The following STXBP5 variants were observed in gnomAD, a reference collection of about 807,000 sequenced individuals.
The protein encoded by STXBP5 is syntaxin binding protein 5.
Under a neutral mutation model 152.4 loss-of-function variants are expected in STXBP5, and 50 were observed. The observed-to-expected ratio is 0.33, with a 90% CI of 0.26 to 0.42. The LOEUF is 0.42. Among genes scored for constraint, STXBP5 ranks in the 10% least tolerant of loss-of-function variants. The probability of loss-of-function intolerance (pLI) is 1.00; values close to 1 mark genes in which losing one functional copy is unlikely to be tolerated. For synonymous variants in STXBP5, 492 were observed against 494.7 expected (o/e 0.99, Z 0.07); for missense variants, 1,167 against 1,388.6 (o/e 0.84, Z 2.54).
rs1786268390 is a variant in STXBP5, at chr6:147,384,888, C to T, written c.*133C>T. On this transcript the variant is annotated 3_prime_UTR_variant, in exon 28 of 28. Transcript: ENST00000321680. ...TGTTCTTTCCTAGCACAGTCATGCA[C>T]TGTTTTACCTCAGTCATGTGGCTTT... is the stretch of plus-strand genomic sequence containing the variant. 1 of 885,898 alleles carries T rather than the reference C, an allele frequency of 1.1e-6. No individual in the cohort carries two copies. Among genetic ancestry groups the T allele is most frequent in the Non-Finnish European group, 1.8e-6 (1 of 556,196 alleles). The allele number at this position is 885,898 out of a possible 1,614,324, so 54.9% of individuals were successfully genotyped here. A position where few individuals can be genotyped will look rare whatever the true frequency, so the allele number is the denominator to read the frequency against.
At chr6:147,217,159 T>C (rs1009051452) in intron 2 of STXBP5, among the ~76,000 whole-genome samples, 2 of 152,230 alleles carry the variant, frequency 1.3e-5, no homozygotes, top group Admixed American at 1.3e-4. Context: ...GCTATTGCAG[T>C]ACTTTCTGCT....
chr6:147,231,245 A>G (rs930979614), intron 2 of STXBP5, among the ~76,000 whole-genome samples: 1 of 151,272 alleles, frequency 6.6e-6, no homozygotes, highest in Admixed American at 6.6e-5. Context: ...ATAGAGGGTC[A>G]TGTCTAAATT....
At chr6:147,209,510 T>C (rs916940359) in intron 2 of STXBP5, among the ~76,000 whole-genome samples, 16 of 152,142 alleles carry the variant, frequency 1.1e-4, no homozygotes, top group Non-Finnish European at 1.6e-4. Context: ...GTTTTTTTTT[T>C]CCTTACTATA....
At chr6:147,369,350 C>T (rs1785441045) in intron 25 of STXBP5, among the ~76,000 whole-genome samples, 1 of 151,902 alleles carries the variant, frequency 6.6e-6, no homozygotes, top group Non-Finnish European at 1.5e-5. Flanking sequence ...ACATGGAAAC[C>T]CCAAAACTAC....
At chr6:147,364,231 T>A (rs535980261) in intron 25 of STXBP5, 65 bp downstream of exon 25, 1 of 1,394,230 alleles carries the variant, frequency 7.2e-7, no homozygotes, top group African/African-American at 1.4e-5. Flanking sequence ...GCCCGTATAC[T>A]GTCTGCCCCT....
intron 4 of STXBP5, 134 bp downstream of exon 4, chr6:147,239,404 A>G (rs1210525161): frequency 1.5e-6 from 1 of 663,574 alleles, no homozygotes. Context: ...CAAAGGATAT[A>G]CAATAAAAGC....
intron 26 of STXBP5, among the ~76,000 whole-genome samples, chr6:147,379,756 A>T (rs1209728538): frequency 1.3e-5 from 2 of 152,074 alleles, no homozygotes; most frequent in Non-Finnish European, 2.9e-5. Context: ...AGGAATCCAC[A>T]TAAAACTAAT....
At chr6:147,268,885 G>C (rs528796483) in intron 7 of STXBP5, among the ~76,000 whole-genome samples, 2 of 152,232 alleles carry the variant, frequency 1.3e-5, no homozygotes, top group South Asian at 4.1e-4. Context: ...CCCCTCAATT[G>C]CTTTAGCTAA....
chr6:147,325,046 A>G lies in STXBP5; in HGVS notation c.1890A>G (p.Gln630=). The part of the protein sequence containing the change: ...QLVWVGGEPP[Q]QITSLAVNSS... ...TTTGGGTGGGTGGAGAACCACCACAACAAATAACCAGCCTGGCAGTCAATT... is the reference window on the plus strand; with the variant it reads ...TTTGGGTGGGTGGAGAACCACCACAGCAAATAACCAGCCTGGCAGTCAATT... Residue 630 remains glutamine (Q), a synonymous_variant, in exon 17 of 28, where the codon CAA becomes CAG. Coordinates refer to ENST00000321680, the MANE Select transcript of STXBP5 (RefSeq NM_001127715.4). 1 of 1,587,924 alleles carries G rather than the reference A, an allele frequency of 6.3e-7. No homozygotes were observed. Among genetic ancestry groups the G allele is most frequent in the Non-Finnish European group, 8.6e-7 (1 of 1,164,108 alleles).
At chr6:147,352,401 C>T (rs1010915436) in intron 21 of STXBP5, among the ~76,000 whole-genome samples, 5 of 152,092 alleles carry the variant, frequency 3.3e-5, no homozygotes, top group Admixed American at 2.6e-4. Flanking sequence ...TTCGGGAGGC[C>T]GAAGCGAGTG....
At chr6:147,352,371 C>G (rs1582985008) in intron 21 of STXBP5, among the ~76,000 whole-genome samples, 2 of 152,286 alleles carry the variant, frequency 1.3e-5, no homozygotes, top group East Asian at 3.9e-4. Context: ...CACGGTGGGT[C>G]ACTCCTGTAA....
At chr6:147,232,086 A>G (rs1778034196) in intron 2 of STXBP5, among the ~76,000 whole-genome samples, 1 of 151,800 alleles carries the variant, frequency 6.6e-6, no homozygotes, top group African/African-American at 2.4e-5. Flanking sequence ...TCTGCAAGCT[A>G]GTCTAGATAG....
chr6:147,260,959 C>G (rs774849316), intron 5 of STXBP5, among the ~76,000 whole-genome samples: 2 of 151,934 alleles, frequency 1.3e-5, no homozygotes, highest in African/African-American at 2.4e-5. Context: ...GAGATATATG[C>G]ACATTACATA....
At chr6:147,376,019 TAGA>T (rs1785794153) in intron 26 of STXBP5, among the ~76,000 whole-genome samples, 1 of 152,130 alleles carries the variant, frequency 6.6e-6, no homozygotes. Context: ...ACACATCAGA[TAGA>T]AGGAAAATAA....
rs1562463137 is a variant in STXBP5, at chr6:147,287,193, C to CTTT, written c.839-3901_839-3900insTTT. Among the ~76,000 whole-genome samples, 90 of 108,394 alleles carry CTTT rather than the reference C, an allele frequency of 8.3e-4. 2 individuals are homozygous for CTTT. The highest frequency in any genetic ancestry group is 3.0e-3 in the African/African-American group (80 of 26,628). The allele number at this position is 108,394 out of a possible 152,430, so 71.1% of individuals were successfully genotyped here. ...ATAGTTCAATAATAACTTAATTGTA[C>CTTT]ATTTTTTTTTTTTTTTTTTTTTTTT... is the stretch of plus-strand genomic sequence containing the variant. On this transcript the variant is annotated intron_variant, in intron 8 of 27. Transcript: ENST00000321680.
At chr6:147,292,121 A>T (rs1001524892) in intron 9 of STXBP5, 1 of 362,808 alleles carries the variant, frequency 2.8e-6, no homozygotes, top group Non-Finnish European at 5.3e-6. Context: ...GTTTATAACC[A>T]CTGGATATTA....
chr6:147,320,552 AGTGTGTGTGT>A (rs71552971), intron 16 of STXBP5, among the ~76,000 whole-genome samples: 9 of 85,028 alleles, frequency 1.1e-4, no homozygotes, highest in South Asian at 3.6e-4. Flanking sequence ...TGCTAATTTG[AGTGTGTGTGT>A]GTGTGTGTGT....
chr6:147,248,663 G>A (rs1336357204), intron 4 of STXBP5, among the ~76,000 whole-genome samples: 1 of 152,114 alleles, frequency 6.6e-6, no homozygotes, highest in Non-Finnish European at 1.5e-5. Context: ...TCCTAAACAG[G>A]TACCTGTGGT....
rs1244648407 is a variant in STXBP5, at chr6:147,279,803, T to C, written c.838+1599T>C. On this transcript the variant is annotated intron_variant, in intron 8 of 27. Coordinates refer to ENST00000321680, the MANE Select transcript of STXBP5 (RefSeq NM_001127715.4). ...AATTCCCATGAATCTTAGAATCTCC[T>C]AACCCTGCTGGAACCTACGAATTCA... Among the ~76,000 whole-genome samples, 3 of 152,186 alleles carry C rather than the reference T, an allele frequency of 2.0e-5. No homozygotes were observed. In the East Asian group the frequency reaches 5.8e-4, roughly 29 times the overall value.
Sources: allele counts gnomAD v4.1 joint callset (sites outside exome capture counted in the v4.1 genomes callset), GRCh38; gene constraint gnomAD v4.1.1; transcripts MANE v1.5; gene names NCBI Gene and HGNC (gene_info 2026-07-23, HGNC 2026-07-21).